ARHGAP9: variants seen among roughly 807,000 people sequenced by gnomAD.
ARHGAP9 encodes rho GTPase-activating protein 9.
In ARHGAP9, 76 loss-of-function variants were observed where a neutral mutation model predicts 87.3. The ratio of observed to expected loss-of-function variants is 0.87; its 90% CI spans 0.72 to 1.05. The LOEUF (loss-of-function observed/expected upper bound fraction) is 1.05. Ranked by LOEUF, ARHGAP9 falls within the 50% of genes least tolerant of loss-of-function variation. The pLI, the probability that ARHGAP9 is intolerant of heterozygous loss-of-function variation, is 0.00. For synonymous variants in ARHGAP9, 382 were observed against 394.9 expected (o/e 0.97, Z 0.39); for missense variants, 941 against 960.5 (o/e 0.98, Z 0.27).
At chr12:57,477,988 G>T (rs1874405832) in intron 3 of ARHGAP9, 2 of 1,205,566 alleles carry the variant, frequency 1.7e-6, no homozygotes, top group Non-Finnish European at 1.0e-6. Flanking sequence ...GAATGTTGAA[G>T]GGGGTGCCCC....
chr12:57,473,349 G>A (rs1872478343), intron 17 of ARHGAP9, among the ~76,000 whole-genome samples: 1 of 152,140 alleles, frequency 6.6e-6, no homozygotes, highest in Non-Finnish European at 1.5e-5. Context: ...GGAGGCAGAG[G>A]TTGCAGTGAG....
chr12:57,475,837 C>G lies in ARHGAP9; in HGVS notation c.1307G>C (p.Arg436Pro), dbSNP rs1265140455. ...CCGGGCCTCCACCCATCTAACCAGC[C>G]GCTCGATGACAGTCCGCAGCGCGCG... ...WHRALRTVIERLDRENPLELR... is the reference protein window; with the variant it reads ...WHRALRTVIEPLDRENPLELR... The change falls in exon 10 of 18, where the codon CGG becomes CCG. Residue 436 changes from arginine to proline, a missense_variant. Transcript: ENST00000393791. 6.2e-7 allele frequency: 1 copy of G among 1,613,814 alleles called. No homozygotes were observed. The highest frequency in any genetic ancestry group is 1.3e-5 in the African/African-American group (1 of 75,056).
Position 57,472,622 on chromosome 12 carries a change from G to A in ARHGAP9, c.2091C>T (p.Thr697=), listed in dbSNP as rs867549631. The change falls in exon 18 of 18, where the codon ACC becomes ACT. Residue 697 remains threonine, a synonymous_variant. Coordinates refer to ENST00000393791, the MANE Select transcript of ARHGAP9 (RefSeq NM_032496.4). ...PHNLGIVFGP[T]LFRPEQETSD... ...ATGTCTCCTGCTCTGGCCGAAACAG[G>A]GTTGGTCCAAACACAATTCCCAGGT... The A allele has an allele frequency of 1.9e-6, 3 of 1,614,228 alleles. No individual in the cohort carries two copies. Among genetic ancestry groups the A allele is most frequent in the South Asian group, 1.1e-5 (1 of 91,082 alleles).
upstream of ARHGAP9, among the ~76,000 whole-genome samples, chr12:57,482,909 C>T (rs1350498018): frequency 6.6e-6 from 1 of 150,788 alleles, no homozygotes; most frequent in African/African-American, 2.5e-5. Context: ...ACCAGCCTGG[C>T]CAATGTGGTG....
chr12:57,479,984 C>G, upstream of ARHGAP9: 1 of 1,354,014 alleles, frequency 7.4e-7, no homozygotes, highest in Non-Finnish European at 9.5e-7. Flanking sequence ...GACATGGTGA[C>G]AGAGAAACAG....
At chr12:57,480,859 T>C, upstream of ARHGAP9, 1 of 1,547,628 alleles carries the variant, frequency 6.5e-7, no homozygotes, top group Middle Eastern at 1.7e-4. Flanking sequence ...AGAGGTGGGT[T>C]AAGGAGCGAA....
At position 57,473,728 on chromosome 12, in the gene ARHGAP9, A is replaced by G. The variant is rs746734281; in HGVS notation, c.1919-20T>C. 1 of 1,603,330 alleles carries G rather than the reference A, an allele frequency of 6.2e-7. No individual in the cohort carries two copies. The highest frequency in any genetic ancestry group is 2.2e-5 in the East Asian group (1 of 44,836). ...AGAGTGCTAGAGAGAGTGATGGGAA[A>G]GGCATGGTAGTAAGGTTAGGGAAGG... On this transcript the variant is annotated intron_variant, in intron 16 of 17. Transcript: ENST00000393791.
Position 57,478,577 on chromosome 12 carries a change from G to T in ARHGAP9, c.497C>A (p.Ser166Tyr), listed in dbSNP as rs1197759111. 5 of 1,614,012 alleles carry T rather than the reference G, an allele frequency of 3.1e-6. No individual in the cohort carries two copies. Among genetic ancestry groups the T allele is most frequent in the African/African-American group, 1.3e-5 (1 of 74,920 alleles). ...GGCTTCTGACGGCAAGTCTTCCTGG[G>T]AGAGGGATCTTCCGCTTGGTCCTTC... The part of the protein sequence containing the change: ...FQEGPSGRSL[S>Y]QEDLPSEASA... The change falls in exon 3 of 18, where the codon TCC becomes TAC. Residue 166 changes from serine to tyrosine, a missense_variant. Coordinates refer to ENST00000393791, the MANE Select transcript of ARHGAP9 (RefSeq NM_032496.4).
At position 57,472,456 on chromosome 12, in the gene ARHGAP9, A is replaced by C. The variant is rs572347975; in HGVS notation, c.*61T>G. On this transcript the variant is annotated 3_prime_UTR_variant, in exon 18 of 18. Transcript: ENST00000393791. ...TTTAAAGGGATATCCTCAAAACAGAACACCAGCCTCTCACCACCAGAGATG... is the reference window on the plus strand; with the variant it reads ...TTTAAAGGGATATCCTCAAAACAGACCACCAGCCTCTCACCACCAGAGATG... The C allele has an allele frequency of 4.4e-5, 68 of 1,558,634 alleles. 1 individual carries two copies. The African/African-American group carries it at 6.9e-4, about 16-fold the overall frequency.
chr12:57,473,849 T>C, intron 16 of ARHGAP9, 141 bp from the exon 17 acceptor site: 2 of 1,195,216 alleles, frequency 1.7e-6, no homozygotes, highest in East Asian at 2.6e-5. Flanking sequence ...AGCCCAACTA[T>C]AGCCTCATAA....
At chr12:57,472,763 A>G in intron 17 of ARHGAP9, 75 bp from the exon 18 acceptor site, 2 of 1,496,852 alleles carry the variant, frequency 1.3e-6, no homozygotes, top group South Asian at 2.4e-5. Context: ...AACCCTTCAA[A>G]GTTCTGAGCA....
upstream of ARHGAP9, among the ~76,000 whole-genome samples, chr12:57,484,304 A>G (rs1875242180): frequency 6.7e-6 from 1 of 149,104 alleles, no homozygotes; most frequent in Admixed American, 6.8e-5. Context: ...GTGAGCCAAG[A>G]TTGCGCCATT....
Position 57,476,934 on chromosome 12 carries a change from C to A in ARHGAP9, c.900G>T (p.Ser300=), listed in dbSNP as rs143185169. 1 of 1,612,050 alleles carries A rather than the reference C, an allele frequency of 6.2e-7. No homozygotes were observed. The highest frequency in any genetic ancestry group is 8.5e-7 in the Non-Finnish European group (1 of 1,179,504). ...CCTGCAAGGCTGGAGGGTCAAGCTG[C>A]GAGGTGCGTTGGCTGAGGCTGAGTG... is the stretch of plus-strand genomic sequence containing the variant. ...QGSLSLSQRT[S]QLDPPALQAP... Residue 300 remains serine (S), a synonymous_variant, in exon 6 of 18, where the codon TCG becomes TCT. Transcript: ENST00000393791.
chr12:57,483,948 C>T (rs1285084398), upstream of ARHGAP9: 4 of 438,652 alleles, frequency 9.1e-6, no homozygotes, highest in Non-Finnish European at 1.8e-5. Flanking sequence ...GCCTGAGGCA[C>T]AAGAATCACT....
chr12:57,477,692 G>A lies in ARHGAP9; in HGVS notation c.535-12C>T, dbSNP rs762260118. Reference sequence around the variant, plus strand: ...GGCTGGGGGCCTGCCTGCCAGAAAAGGGGGAAGAAGGAGGTGGTCATTCTG... The same window carrying A: ...GGCTGGGGGCCTGCCTGCCAGAAAAAGGGGAAGAAGGAGGTGGTCATTCTG... On this transcript the variant is annotated splice_polypyrimidine_tract_variant and intron_variant, in intron 3 of 17. Transcript: ENST00000393791. 22 of 1,609,144 alleles carry A rather than the reference G, an allele frequency of 1.4e-5. No homozygotes were observed. The Admixed American group carries it at 3.5e-4, about 26-fold the overall frequency.
chr12:57,480,843 G>A (rs886755004), upstream of ARHGAP9: 4 of 1,550,310 alleles, frequency 2.6e-6, no homozygotes, highest in South Asian at 1.2e-5. Context: ...TTCTGTTTGG[G>A]TTTGGAGAGG....
At chr12:57,477,106 T>C in intron 5 of ARHGAP9, 50 bp downstream of exon 5, 1 of 1,595,348 alleles carries the variant, frequency 6.3e-7, no homozygotes, top group Non-Finnish European at 8.6e-7. Flanking sequence ...CAGAAAGTCA[T>C]AACAAGCTGG....
chr12:57,481,720 A>G (rs1438500841), upstream of ARHGAP9, among the ~76,000 whole-genome samples: 3 of 152,160 alleles, frequency 2.0e-5, no homozygotes, highest in African/African-American at 7.2e-5. Context: ...GTTGCTTGAC[A>G]TCTCAGTAGC....
intron 1 of ARHGAP9, chr12:57,487,996 T>A (rs1293025006): frequency 1.3e-5 from 13 of 996,538 alleles, no homozygotes; most frequent in South Asian, 1.4e-5. Flanking sequence ...AGTGGCCTAA[T>A]ACGGAACTCC....
Sources: gnomAD v4.1 joint callset for allele counts (sites outside exome capture counted in the v4.1 genomes callset) on GRCh38, gnomAD v4.1.1 for gene constraint, MANE v1.5 for transcripts, NCBI Gene and HGNC (gene_info 2026-07-23, HGNC 2026-07-21) for gene names.